RADIL: variants seen among roughly 807,000 people sequenced by gnomAD.
The protein encoded by RADIL is ras-associating and dilute domain-containing protein.
Under a neutral mutation model 97.6 loss-of-function variants are expected in RADIL, and 99 were observed. The ratio of observed to expected loss-of-function variants is 1.01; its 90% CI spans 0.86 to 1.20. The LOEUF is 1.20. Among genes scored for constraint, RADIL ranks in the 50% most tolerant of loss-of-function variants. The pLI is 0.00. For synonymous variants in RADIL, 803 were observed against 691.8 expected, an observed-to-expected ratio of 1.16 and a Z score of -2.52; for missense variants, 1,765 against 1,498.9, an observed-to-expected ratio of 1.18 and a Z score of -2.93.
At position 4,880,825 on chromosome 7, in the gene RADIL, A is replaced by T. The variant is rs1784468090; in HGVS notation, c.-64-2622T>A. Among the ~76,000 whole-genome samples the T allele has an allele frequency of 6.6e-6, 1 of 152,260 alleles. No homozygotes were observed. The highest frequency in any genetic ancestry group is 2.4e-5 in the African/African-American group (1 of 41,476). On this transcript the variant is annotated intron_variant, in intron 1 of 14. Transcript: ENST00000399583. The surrounding 1 kb of genome is among the most constrained non-coding windows in gnomAD (Gnocchi z 4.5). ...CCAGGCAGGAGAAAGCCCATATCAC[A>T]GAAAAGTCATGAAGCAGAGCCAAGT...
At chr7:4,810,011 T>C (rs1418855677) in intron 9 of RADIL, among the ~76,000 whole-genome samples, 39 of 152,170 alleles carry the variant, frequency 2.6e-4, no homozygotes. Context: ...ATTTACGCCA[T>C]GCCTGGCTAG....
At chr7:4,832,715 G>T (rs1029329363) in intron 4 of RADIL, among the ~76,000 whole-genome samples, 29 of 149,800 alleles carry the variant, frequency 1.9e-4, no homozygotes, top group Non-Finnish European at 1.0e-4. Flanking sequence ...CTACAGCCTG[G>T]GTGACAGAGC....
chr7:4,822,372 T>C lies in RADIL; in HGVS notation c.1615+22A>G, dbSNP rs370633520. 284 of 1,596,722 alleles carry C rather than the reference T, an allele frequency of 1.8e-4. No homozygotes were observed. In the African/African-American group the frequency reaches 3.5e-3, roughly 20 times the overall value. ...CTGCCTGGGGTGCTGGCGGGGGGAA[T>C]GGAGGGCAGCGCCAGCCGTACCTGT... On this transcript the variant is annotated intron_variant, in intron 6 of 14. Transcript: ENST00000399583. The surrounding 1 kb of genome is among the most constrained non-coding windows in gnomAD (Gnocchi z 5.3).
At chr7:4,860,650 T>C in intron 2 of RADIL, 2 of 1,614,212 alleles carry the variant, frequency 1.2e-6, no homozygotes, top group South Asian at 1.1e-5. Context: ...ATTCTAAATG[T>C]TGTTTTTCTG....
Position 4,873,984 on chromosome 7 carries a change from C to T in RADIL, c.535+3621G>A, listed in dbSNP as rs1784311697. On this transcript the variant is annotated intron_variant, in intron 2 of 14. Coordinates refer to ENST00000399583, the MANE Select transcript of RADIL (RefSeq NM_018059.5). This position sits in a 1 kb window ranked among gnomAD's most constrained non-coding sequence, Gnocchi z 4.3. ...CTCTCAGTCGTTCCCCTTGGAGGGG[C>T]GAGGGAGGAATCGCCTAGTGCCGGC... 6.6e-6 allele frequency among the ~76,000 whole-genome samples: 1 copy of T among 152,230 alleles called. No individual in the cohort carries two copies. The highest frequency in any genetic ancestry group is 6.5e-5 in the Admixed American group (1 of 15,280).
At chr7:4,802,515 T>G (rs1782132944) in intron 11 of RADIL, among the ~76,000 whole-genome samples, 1 of 127,660 alleles carries the variant, frequency 7.8e-6, no homozygotes, top group Non-Finnish European at 1.6e-5. Flanking sequence ...GCATGCTGGA[T>G]GGACCCCCTC....
chr7:4,878,517 G>A lies in RADIL; in HGVS notation c.-64-314C>T, dbSNP rs1229414507. 1.3e-5 allele frequency among the ~76,000 whole-genome samples: 2 copies of A among 152,210 alleles called. No individual in the cohort carries two copies. The highest frequency in any genetic ancestry group is 1.3e-4 in the Admixed American group (2 of 15,282). On this transcript the variant is annotated intron_variant, in intron 1 of 14. Transcript: ENST00000399583. This position sits in a 1 kb window ranked among gnomAD's most constrained non-coding sequence, Gnocchi z 4.1. ...ATAGTGCCACGGCCCTCCAGCCCGGGCAGCAGAGCAAGACCCCATCTCAAA... is the reference window on the plus strand; with the variant it reads ...ATAGTGCCACGGCCCTCCAGCCCGGACAGCAGAGCAAGACCCCATCTCAAA...
chr7:4,809,853 T>G (rs943276541), intron 9 of RADIL, among the ~76,000 whole-genome samples: 2 of 151,692 alleles, frequency 1.3e-5, no homozygotes, highest in African/African-American at 4.8e-5. Flanking sequence ...CCTGGCTAAT[T>G]TTTGTATTTT....
chr7:4,833,965 T>G (rs1261537911), intron 4 of RADIL, among the ~76,000 whole-genome samples: 1 of 151,738 alleles, frequency 6.6e-6, no homozygotes, highest in African/African-American at 2.4e-5. Flanking sequence ...CATCTAGGGG[T>G]GGAGGCCGGG....
Position 4,840,889 on chromosome 7 carries a change from C to T in RADIL, c.536-4284G>A, listed in dbSNP as rs193233673. On this transcript the variant is annotated intron_variant, in intron 2 of 14. Transcript: ENST00000399583. The surrounding 1 kb of genome is among the most constrained non-coding windows in gnomAD (Gnocchi z 5.6). ...GGCTGAGGCAGGAGAATGGCTTGAACCCAGGAGGTGGAGGTTGCAGTGACC... is the reference window on the plus strand; with the variant it reads ...GGCTGAGGCAGGAGAATGGCTTGAATCCAGGAGGTGGAGGTTGCAGTGACC... Among the ~76,000 whole-genome samples, 3,055 of 152,276 alleles carry T rather than the reference C, an allele frequency of 0.02. 37 individuals carry two copies. The highest frequency in any genetic ancestry group is 0.027 in the Middle Eastern group (8 of 294).
At chr7:4,869,268 G>A (rs1266135033) in intron 2 of RADIL, among the ~76,000 whole-genome samples, 1 of 152,184 alleles carries the variant, frequency 6.6e-6, no homozygotes, top group Non-Finnish European at 1.5e-5. Flanking sequence ...GAGTAGCTGG[G>A]ACTACAGGCC....
At position 4,800,273 on chromosome 7, in the gene RADIL, G is replaced by T; in HGVS notation, c.2880C>A (p.Ala960=). Residue 960 remains alanine, a synonymous_variant, in exon 13 of 15, where the codon GCC becomes GCA. Transcript: ENST00000399583. ...SAALAEESPP[A]PSSRSSSTED... ...CGGTGCTGGAGCTGCGGCTGGACGGGGCTGGAGGGGACTCCTCCGCAAGGG... is the reference window on the plus strand; with the variant it reads ...CGGTGCTGGAGCTGCGGCTGGACGGTGCTGGAGGGGACTCCTCCGCAAGGG... 6.5e-7 allele frequency: 1 copy of T among 1,528,172 alleles called. No individual in the cohort carries two copies. The highest frequency in any genetic ancestry group is 8.8e-7 in the Non-Finnish European group (1 of 1,140,682). The allele number at this position is 1,528,172 out of a possible 1,614,324, so 94.7% of individuals were successfully genotyped here. A position where few individuals can be genotyped will look rare whatever the true frequency, so the allele number is the denominator to read the frequency against.
Position 4,800,198 on chromosome 7 carries a change from C to A in RADIL, c.2955G>T (p.Gly985=). Residue 985 remains glycine (G), a synonymous_variant, in exon 13 of 15, where the codon GGG becomes GGT. Coordinates refer to ENST00000399583, the MANE Select transcript of RADIL (RefSeq NM_018059.5). ...FTVELERGPS[G]LGMGLIDGMH... ...TCCCGTCGATCAGGCCCATCCCCAG[C>A]CCGGAGGGGCCTCGTTCCAGCTCCA... 6.2e-7 allele frequency: 1 copy of A among 1,608,832 alleles called. No homozygotes were observed. Among genetic ancestry groups the A allele is most frequent in the Non-Finnish European group, 8.5e-7 (1 of 1,178,454 alleles).
At chr7:4,853,056 GATACT>G (rs1308355771) in intron 2 of RADIL, among the ~76,000 whole-genome samples, 1 of 152,180 alleles carries the variant, frequency 6.6e-6, no homozygotes. Context: ...GACTTGAAGT[GATACT>G]ATAAGAGGAT....
Position 4,817,148 on chromosome 7 carries a change from G to A in RADIL, c.1728+91C>T. 8.8e-7 allele frequency: 1 copy of A among 1,140,070 alleles called. No homozygotes were observed. The highest frequency in any genetic ancestry group is 1.5e-5 in the South Asian group (1 of 68,842). The allele number at this position is 1,140,070 out of a possible 1,614,324, so 70.6% of individuals were successfully genotyped here. A position where few individuals can be genotyped will look rare whatever the true frequency, so the allele number is the denominator to read the frequency against. On this transcript the variant is annotated intron_variant, in intron 7 of 14. Coordinates refer to ENST00000399583, the MANE Select transcript of RADIL (RefSeq NM_018059.5). The surrounding 1 kb of genome is among the most constrained non-coding windows in gnomAD (Gnocchi z 8.3). ...CACGGTCCCCTCCCTCAGCCCCCCA[G>A]AAGGCTCCTTAGGAGAGCCACAGGC...
intron 2 of RADIL, among the ~76,000 whole-genome samples, chr7:4,870,386 C>T (rs563263864): frequency 6.6e-6 from 1 of 152,318 alleles, no homozygotes; most frequent in Non-Finnish European, 1.5e-5. Context: ...CATCTTTCAA[C>T]CAACATTATA....
intron 9 of RADIL, among the ~76,000 whole-genome samples, chr7:4,812,487 T>A (rs1206482691): frequency 6.6e-6 from 1 of 152,198 alleles, no homozygotes; most frequent in Non-Finnish European, 1.5e-5. Flanking sequence ...AATGGCATGA[T>A]CTCGGCTCAC....
chr7:4,855,338 G>C (rs1444086079), intron 2 of RADIL, among the ~76,000 whole-genome samples: 2 of 152,086 alleles, frequency 1.3e-5, no homozygotes, highest in African/African-American at 2.4e-5. Flanking sequence ...AAGGTGTGTA[G>C]AGTTCTGGAC....
chr7:4,846,545 C>CT lies in RADIL; in HGVS notation c.536-9941dup, dbSNP rs367898251. On this transcript the variant is annotated intron_variant, in intron 2 of 14. Coordinates refer to ENST00000399583, the MANE Select transcript of RADIL (RefSeq NM_018059.5). ...ACTCCCTTCCCTCCCCTGCATCTGT[C>CT]TTTTTTTTTTTTTTTTTGAGACGAA... 3.3e-3 allele frequency among the ~76,000 whole-genome samples: 410 copies of CT among 125,412 alleles called. 1 individual carries two copies. Among genetic ancestry groups the CT allele is most frequent in the East Asian group, 5.2e-3 (22 of 4,206 alleles). 82.3% of individuals were successfully genotyped at this position (125,412 alleles called of 152,430 possible).
Sources: gnomAD v4.1 joint callset for allele counts (sites outside exome capture counted in the v4.1 genomes callset) on GRCh38, gnomAD v4.1.1 for gene constraint, Gnocchi (gnomAD v3.1) non-coding constraint, MANE v1.5 for transcripts, NCBI Gene and HGNC (gene_info 2026-07-23, HGNC 2026-07-21) for gene names.